Variants in DPP6 observed in about 807,000 individuals in gnomAD.
The protein encoded by DPP6 is dipeptidyl peptidase like 6, also known as A-type potassium channel modulatory protein DPP6.
A neutral mutation model predicts 122.6 loss-of-function variants in DPP6; 69 were observed. The observed-to-expected ratio is 0.56, with a 90% CI of 0.46 to 0.69. DPP6 has a LOEUF of 0.69. DPP6 is among the 30% of genes least tolerant of loss of function. DPP6 has a pLI of 0.00. For missense variants in DPP6, 928 were observed against 1,116.9 expected (o/e 0.83, Z 2.41); for synonymous variants, 418 against 433.1 (o/e 0.97, Z 0.43).
At chr7:154,448,773 T>C (rs1437789027) in intron 2 of DPP6, among the ~76,000 whole-genome samples, 1 of 152,172 alleles carries the variant, frequency 6.6e-6, no homozygotes, top group African/African-American at 2.4e-5. Flanking sequence ...CATACATCTA[T>C]AGTCAATTAT....
At chr7:154,686,683 G>T in intron 7 of DPP6, among the ~76,000 whole-genome samples, 1 of 152,070 alleles carries the variant, frequency 6.6e-6, no homozygotes, top group Non-Finnish European at 1.5e-5. Flanking sequence ...ACATCCCAGG[G>T]GTGTGCAGAG....
intron 2 of DPP6, among the ~76,000 whole-genome samples, chr7:154,473,245 T>G (rs1822444740): frequency 6.6e-6 from 1 of 152,238 alleles, no homozygotes; most frequent in Admixed American, 6.5e-5. Flanking sequence ...TTTATTGTCG[T>G]GTATATGGAA....
At chr7:154,799,863 T>G (rs1318724212) in intron 12 of DPP6, among the ~76,000 whole-genome samples, 1 of 152,204 alleles carries the variant, frequency 6.6e-6, no homozygotes, top group African/African-American at 2.4e-5. Flanking sequence ...TAAAAATACA[T>G]TTACCACATG....
At chr7:154,822,467 A>C (rs1460135549) in intron 16 of DPP6, among the ~76,000 whole-genome samples, 1 of 151,828 alleles carries the variant, frequency 6.6e-6, no homozygotes, top group African/African-American at 2.4e-5. Flanking sequence ...CTAAGGCCCG[A>C]CCCCCTAACA....
In DPP6 at chr7:154,592,165, C is replaced by T. The variant is rs1006439530; in HGVS notation, c.627+25249C>T. On this transcript the variant is annotated intron_variant, in intron 5 of 25. Coordinates refer to ENST00000377770, the MANE Select transcript of DPP6 (RefSeq NM_130797.4). The stretch of plus-strand genomic sequence containing the variant: ...TGCTGTTATCCCACCTCTGGATCAA[C>T]GGCGCCATCATCGGTGCCCCAGCTA... 3.9e-5 allele frequency among the ~76,000 whole-genome samples: 6 copies of T among 152,318 alleles called. No homozygotes were observed. In the East Asian group the frequency reaches 5.8e-4, roughly 15 times the overall value.
intron 5 of DPP6, among the ~76,000 whole-genome samples, chr7:154,581,392 C>CA (rs1221140033): frequency 6.6e-6 from 1 of 152,092 alleles, no homozygotes; most frequent in Non-Finnish European, 1.5e-5. Flanking sequence ...CTGGAAGGGC[C>CA]AGGGAACCCT....
At chr7:153,943,460 T>C (rs1434923869) in intron 1 of DPP6, among the ~76,000 whole-genome samples, 2 of 152,216 alleles carry the variant, frequency 1.3e-5, no homozygotes, top group African/African-American at 4.8e-5. Context: ...TGTAGAGCCC[T>C]CTTTTTTGTC....
chr7:154,560,494 A>G (rs544141485), intron 4 of DPP6, among the ~76,000 whole-genome samples: 19 of 152,180 alleles, frequency 1.2e-4, no homozygotes, highest in African/African-American at 4.3e-4. Flanking sequence ...TCCCCTTAAT[A>G]CTCCTGGAGG....
At chr7:154,409,580 G>A (rs1816419040) in intron 1 of DPP6, among the ~76,000 whole-genome samples, 1 of 152,138 alleles carries the variant, frequency 6.6e-6, no homozygotes, top group South Asian at 2.1e-4. Context: ...TTCCAGCTTT[G>A]ACGTGGTCTC....
chr7:154,408,861 C>T (rs1816349757), intron 1 of DPP6, among the ~76,000 whole-genome samples: 1 of 152,112 alleles, frequency 6.6e-6, no homozygotes, highest in African/African-American at 2.4e-5. Context: ...TATGTTAAGG[C>T]CGGGCCTGGT....
At chr7:154,776,308 C>A (rs1796570027) in intron 10 of DPP6, among the ~76,000 whole-genome samples, 1 of 151,950 alleles carries the variant, frequency 6.6e-6, no homozygotes, top group African/African-American at 2.4e-5. Context: ...CTTTCTATCC[C>A]CCCTCACATC....
intron 1 of DPP6, among the ~76,000 whole-genome samples, chr7:154,042,350 C>A (rs938326335): frequency 2.0e-5 from 3 of 152,150 alleles, no homozygotes; most frequent in African/African-American, 7.2e-5. Context: ...AAAGGTTGGC[C>A]ATACAAGCAG....
intron 1 of DPP6, among the ~76,000 whole-genome samples, chr7:154,205,044 C>T (rs1563314926): frequency 6.6e-6 from 1 of 152,180 alleles, no homozygotes; most frequent in Non-Finnish European, 1.5e-5. Context: ...CACTCTGATA[C>T]ACCCTCTGGT....
chr7:154,464,457 A>T (rs1821612487), intron 2 of DPP6, among the ~76,000 whole-genome samples: 1 of 152,208 alleles, frequency 6.6e-6, no homozygotes. Context: ...TTTTCCTGTG[A>T]ATAGTTGTTC....
intron 1 of DPP6, among the ~76,000 whole-genome samples, chr7:154,336,035 A>T (rs893945413): frequency 1.3e-5 from 2 of 151,928 alleles, no homozygotes; most frequent in South Asian, 4.2e-4. Context: ...GAAATGGTCC[A>T]TGTTTTACTA....
intron 4 of DPP6, among the ~76,000 whole-genome samples, chr7:154,552,153 A>T (rs1829686468): frequency 6.6e-6 from 1 of 152,224 alleles, no homozygotes. Flanking sequence ...GCATAAAACC[A>T]GCTGGTGTTG....
At position 154,873,653 on chromosome 7, in the gene DPP6, C is replaced by T. The variant is rs1408406773; in HGVS notation, c.1883+960C>T. Among the ~76,000 whole-genome samples the T allele has an allele frequency of 2.6e-5, 4 of 152,172 alleles. No individual in the cohort carries two copies. The South Asian group carries it at 6.2e-4, about 24-fold the overall frequency. ...GGGCACAGATTCCAATAGCTGATTC[C>T]GTTTTGCAATTAACCCACTTTCCTT... is the stretch of plus-strand genomic sequence containing the variant. On this transcript the variant is annotated intron_variant, in intron 19 of 25. Transcript: ENST00000377770.
chr7:153,856,363 C>T, the DPP6 span, among the ~76,000 whole-genome samples: 12 of 152,248 alleles, frequency 7.9e-5, no homozygotes, highest in African/African-American at 2.2e-4. Flanking sequence ...GGTTAAATTC[C>T]GTGTTTCTGA....
chr7:154,523,247 C>T (rs1488175149), intron 3 of DPP6, among the ~76,000 whole-genome samples: 1 of 152,158 alleles, frequency 6.6e-6, no homozygotes, highest in African/African-American at 2.4e-5. Flanking sequence ...CGGAGTCTTA[C>T]CCTATACTGT....
Sources: allele counts gnomAD v4.1 joint callset (sites outside exome capture counted in the v4.1 genomes callset), GRCh38; gene constraint gnomAD v4.1.1; transcripts MANE v1.5; gene names NCBI Gene and HGNC (gene_info 2026-07-23, HGNC 2026-07-21).